EHBP1: variants seen among roughly 807,000 people sequenced by gnomAD.
The protein encoded by EHBP1 is EH domain-binding protein 1.
In EHBP1, 55 loss-of-function variants were observed where a neutral mutation model predicts 144.0. The ratio of observed to expected loss-of-function variants is 0.38; its 90% CI spans 0.31 to 0.48. The LOEUF (loss-of-function observed/expected upper bound fraction) is 0.48, where lower values mean the gene tolerates loss of function less well. Among genes scored for constraint, EHBP1 ranks in the 20% least tolerant of loss-of-function variants. EHBP1 has a pLI of 0.98. For missense variants in EHBP1, 1,200 were observed against 1,364.2 expected (o/e 0.88, Z 1.90); for synonymous variants, 469 against 472.7 (o/e 0.99, Z 0.10).
intron 5 of EHBP1, among the ~76,000 whole-genome samples, chr2:62,803,761 T>C (rs1264230383): frequency 6.6e-6 from 1 of 152,234 alleles, no homozygotes. Flanking sequence ...GTGCCTTTCA[T>C]CACACAGCAA....
intron 1 of EHBP1, among the ~76,000 whole-genome samples, chr2:62,695,382 A>G (rs544375162): frequency 2.0e-5 from 3 of 152,284 alleles, no homozygotes; most frequent in Middle Eastern, 3.4e-3. Flanking sequence ...AAAAAAGTCA[A>G]TGAAAGGTCA....
At chr2:62,844,657 A>T (rs937863932) in intron 7 of EHBP1, among the ~76,000 whole-genome samples, 2 of 152,030 alleles carry the variant, frequency 1.3e-5, no homozygotes, top group Non-Finnish European at 2.9e-5. Flanking sequence ...AAAAATAAAG[A>T]CCCCTGTATT....
At position 62,757,683 on chromosome 2, in the gene EHBP1, C is replaced by T. The variant is rs183553826; in HGVS notation, c.163-6583C>T. Among the ~76,000 whole-genome samples the T allele has an allele frequency of 9.7e-4, 147 of 152,152 alleles. 1 individual carries two copies. The highest frequency in any genetic ancestry group is 3.2e-3 in the African/African-American group (133 of 41,538). On this transcript the variant is annotated intron_variant, in intron 3 of 22. Transcript: ENST00000431489. ...TCCTGACCTCGAGTGATCCACCTGC[C>T]TTGGCCTTCCAAAGTGCTGGGATTA...
chr2:62,899,715 T>A (rs1430388354), intron 10 of EHBP1, among the ~76,000 whole-genome samples: 1 of 152,236 alleles, frequency 6.6e-6, no homozygotes, highest in South Asian at 2.1e-4. Context: ...TGAAAATCTT[T>A]GACATAGGAC....
Position 62,979,342 on chromosome 2 carries a change from T to C in EHBP1, c.2608+7T>C. The C allele has an allele frequency of 6.2e-7, 1 of 1,612,566 alleles. No individual in the cohort carries two copies. Among genetic ancestry groups the C allele is most frequent in the African/African-American group, 1.3e-5 (1 of 75,012 alleles). On this transcript the variant is annotated splice_region_variant and intron_variant, in intron 15 of 22. Transcript: ENST00000431489. ...AGGTCAAAGGCATCTGGAGGTGAGT[T>C]AAAGAATCTTCTATCATTCTACAGA...
At chr2:62,930,337 G>C (rs184150731) in intron 10 of EHBP1, among the ~76,000 whole-genome samples, 5 of 152,240 alleles carry the variant, frequency 3.3e-5, no homozygotes, top group Admixed American at 3.3e-4. Flanking sequence ...TAAAAGACTT[G>C]CACACTGAAA....
chr2:62,910,515 A>G (rs765916781), intron 10 of EHBP1, among the ~76,000 whole-genome samples: 2 of 152,240 alleles, frequency 1.3e-5, no homozygotes, highest in Non-Finnish European at 2.9e-5. Context: ...TGTAAACTCT[A>G]TAAGAAAGTG....
chr2:62,925,345 A>G (rs556039113), intron 10 of EHBP1, among the ~76,000 whole-genome samples: 3 of 152,150 alleles, frequency 2.0e-5, no homozygotes, highest in African/African-American at 7.2e-5. Flanking sequence ...TAGAAGTTCT[A>G]AGGAGAGCAA....
chr2:62,799,917 T>C (rs2043850637), intron 5 of EHBP1, among the ~76,000 whole-genome samples: 1 of 152,216 alleles, frequency 6.6e-6, no homozygotes, highest in South Asian at 2.1e-4. Flanking sequence ...AAATGTTCCA[T>C]GTGGCCACCT....
intron 3 of EHBP1, among the ~76,000 whole-genome samples, chr2:62,748,288 T>A (rs1406423524): frequency 6.6e-6 from 1 of 152,138 alleles, no homozygotes; most frequent in Non-Finnish European, 1.5e-5. Context: ...TTTCTTTTGG[T>A]ACTGATAATT....
intron 7 of EHBP1, among the ~76,000 whole-genome samples, chr2:62,840,656 A>C (rs968219724): frequency 2.0e-5 from 3 of 151,816 alleles, no homozygotes; most frequent in Non-Finnish European, 4.4e-5. Flanking sequence ...AAAAACAAAC[A>C]ACCCCATCAA....
At chr2:62,780,238 C>A (rs1368670821) in intron 5 of EHBP1, among the ~76,000 whole-genome samples, 1 of 152,052 alleles carries the variant, frequency 6.6e-6, no homozygotes, top group African/African-American at 2.4e-5. Context: ...TCTCTTATAA[C>A]CCCCTCAGAA....
chr2:62,748,949 T>C (rs899722839), intron 3 of EHBP1, among the ~76,000 whole-genome samples: 2 of 152,186 alleles, frequency 1.3e-5, no homozygotes, highest in Non-Finnish European at 2.9e-5. Context: ...TAATTACCAC[T>C]TCTGTAAAGA....
chr2:62,965,366 T>G (rs1433483322), intron 14 of EHBP1, among the ~76,000 whole-genome samples: 1 of 152,232 alleles, frequency 6.6e-6, no homozygotes, highest in East Asian at 1.9e-4. Flanking sequence ...AGTGCTATTT[T>G]AAACTATTCT....
chr2:62,868,239 C>T (rs1178671503), intron 9 of EHBP1, among the ~76,000 whole-genome samples: 2 of 151,990 alleles, frequency 1.3e-5, no homozygotes, highest in East Asian at 3.9e-4. Context: ...CTTAGCTAGG[C>T]ATGGTTTCAG....
intron 1 of EHBP1, among the ~76,000 whole-genome samples, chr2:62,685,565 A>G (rs2033691105): frequency 6.6e-6 from 1 of 152,178 alleles, no homozygotes. Context: ...TGCCGACCTC[A>G]TCTTAACAAA....
chr2:62,791,671 T>G (rs1007511478), intron 5 of EHBP1, among the ~76,000 whole-genome samples: 3 of 152,032 alleles, frequency 2.0e-5, no homozygotes, highest in Non-Finnish European at 4.4e-5. Context: ...AAAGTTTGAT[T>G]AAACTTTCCA....
chr2:62,987,286 A>T (rs918914652), intron 15 of EHBP1, among the ~76,000 whole-genome samples: 2 of 152,126 alleles, frequency 1.3e-5, no homozygotes, highest in Non-Finnish European at 2.9e-5. Flanking sequence ...ATTATGTAAG[A>T]CTTTCTCATT....
At position 63,045,029 on chromosome 2, in the gene EHBP1, C is replaced by A; in HGVS notation, c.3278-37C>A. 6.7e-7 allele frequency: 1 copy of A among 1,482,870 alleles called. No homozygotes were observed. The highest frequency in any genetic ancestry group is 9.2e-7 in the Non-Finnish European group (1 of 1,087,408). The allele number at this position is 1,482,870 out of a possible 1,614,324, so 91.9% of individuals were successfully genotyped here. On this transcript the variant is annotated intron_variant, in intron 21 of 22. Transcript: ENST00000431489. The surrounding 1 kb of genome is among the most constrained non-coding windows in gnomAD (Gnocchi z 5.7). ...GGGCGGGGGGCCGGGTGTTCGGAGG[C>A]CCTGCCGGTGGGTAACTAGCCTCCC...
Sources: gnomAD v4.1 joint callset for allele counts (sites outside exome capture counted in the v4.1 genomes callset) on GRCh38, gnomAD v4.1.1 for gene constraint, Gnocchi (gnomAD v3.1) non-coding constraint, MANE v1.5 for transcripts, NCBI Gene and HGNC (gene_info 2026-07-23, HGNC 2026-07-21) for gene names.